Variants in THSD4 observed in about 807,000 individuals in gnomAD.
THSD4 encodes thrombospondin type-1 domain-containing protein 4.
Under a neutral mutation model 119.0 loss-of-function variants are expected in THSD4, and 69 were observed. The ratio of observed to expected loss-of-function variants is 0.58; its 90% confidence interval spans 0.48 to 0.71. The LOEUF (loss-of-function observed/expected upper bound fraction) is 0.71. Ranked by LOEUF, THSD4 falls within the 30% of genes least tolerant of loss-of-function variation. The probability of loss-of-function intolerance (pLI) is 0.00; values close to 1 mark genes in which losing one functional copy is unlikely to be tolerated. For synonymous variants in THSD4, 524 were observed against 540.4 expected (o/e 0.97, Z 0.42); for missense variants, 1,393 against 1,391.1 (o/e 1.00, Z -0.02).
intron 6 of THSD4, among the ~76,000 whole-genome samples, chr15:71,401,991 C>G (rs1453249885): frequency 1.3e-5 from 2 of 151,834 alleles, no homozygotes; most frequent in African/African-American, 2.4e-5. Context: ...TCTGAGCAAA[C>G]TGTCTCAAGG....
intron 6 of THSD4, among the ~76,000 whole-genome samples, chr15:71,360,436 C>G (rs907348218): frequency 1.3e-5 from 2 of 152,088 alleles, no homozygotes; most frequent in Non-Finnish European, 2.9e-5. Context: ...TGAGAAGCAG[C>G]GTATGCATAC....
intron 5 of THSD4, among the ~76,000 whole-genome samples, chr15:71,254,983 C>G (rs1406505840): frequency 6.6e-6 from 1 of 152,170 alleles, no homozygotes; most frequent in Non-Finnish European, 1.5e-5. Context: ...GCATTTGTAC[C>G]AGCAGCCTCC....
At chr15:71,673,367 A>C (rs2051572561) in intron 8 of THSD4, among the ~76,000 whole-genome samples, 1 of 151,774 alleles carries the variant, frequency 6.6e-6, no homozygotes, top group Non-Finnish European at 1.5e-5. Context: ...CGTCTATTTG[A>C]TTCTTCTCTC....
chr15:71,777,572 A>T lies in THSD4; in HGVS notation c.*198A>T. 1.5e-6 allele frequency: 1 copy of T among 666,162 alleles called. No individual in the cohort carries two copies. Among genetic ancestry groups the T allele is most frequent in the East Asian group, 2.8e-5 (1 of 36,044 alleles). 41.3% of individuals were successfully genotyped at this position (666,162 alleles called of 1,614,324 possible). ...CACAAGATGTTTGAAAGCCACAGTCAGTCCTTTAAGCATCACCATGTACTG... is the reference window on the plus strand; with the variant it reads ...CACAAGATGTTTGAAAGCCACAGTCTGTCCTTTAAGCATCACCATGTACTG... On this transcript the variant is annotated 3_prime_UTR_variant, in exon 18 of 18. Coordinates refer to ENST00000261862, the MANE Select transcript of THSD4 (RefSeq NM_024817.3).
intron 6 of THSD4, among the ~76,000 whole-genome samples, chr15:71,378,606 C>T (rs568600493): frequency 1.3e-5 from 2 of 152,320 alleles, no homozygotes; most frequent in African/African-American, 2.4e-5. Context: ...GGGGATGCTT[C>T]GTCCTGCCAG....
intron 2 of THSD4, among the ~76,000 whole-genome samples, chr15:71,149,495 TGCCTC>T (rs1321075465): frequency 6.6e-6 from 1 of 152,080 alleles, no homozygotes; most frequent in African/African-American, 2.4e-5. Context: ...GTGATCCGCC[TGCCTC>T]GGCCTCCCAA....
At chr15:71,503,792 GCCAATATGC>G (rs1431136821) in intron 7 of THSD4, among the ~76,000 whole-genome samples, 1 of 152,168 alleles carries the variant, frequency 6.6e-6, no homozygotes, top group Non-Finnish European at 1.5e-5. Flanking sequence ...TGGCTCTAGG[GCCAATATGC>G]ATTGAGACAG....
At chr15:71,271,071 C>T (rs1329683914) in intron 6 of THSD4, among the ~76,000 whole-genome samples, 1 of 152,050 alleles carries the variant, frequency 6.6e-6, no homozygotes, top group Admixed American at 6.5e-5. Context: ...TATTGCTTCT[C>T]TGCAAGCTTT....
At chr15:71,623,739 G>A (rs139542381) in intron 7 of THSD4, among the ~76,000 whole-genome samples, 31 of 152,068 alleles carry the variant, frequency 2.0e-4, no homozygotes, top group African/African-American at 6.5e-4. Context: ...CCTGGCCAAC[G>A]TGGTGACACC....
chr15:71,121,218 C>G (rs71395006), intron 1 of THSD4, among the ~76,000 whole-genome samples: 1,887 of 152,268 alleles, frequency 0.012, 24 homozygotes, highest in Middle Eastern at 0.02. Context: ...ACTCTGGAGC[C>G]AGGTCCTGAG....
intron 7 of THSD4, among the ~76,000 whole-genome samples, chr15:71,596,142 A>T (rs1302413476): frequency 6.6e-6 from 1 of 152,194 alleles, no homozygotes; most frequent in Non-Finnish European, 1.5e-5. Flanking sequence ...TTCATCCTTT[A>T]TTAAAAACAT....
At chr15:71,469,192 C>T (rs2047539458) in intron 7 of THSD4, among the ~76,000 whole-genome samples, 1 of 152,138 alleles carries the variant, frequency 6.6e-6, no homozygotes, top group African/African-American at 2.4e-5. Context: ...AGCTCACTTC[C>T]AAAGAGAATT....
intron 7 of THSD4, among the ~76,000 whole-genome samples, chr15:71,444,625 C>T (rs1288763712): frequency 8.5e-5 from 13 of 152,200 alleles, no homozygotes; most frequent in Admixed American, 5.9e-4. Flanking sequence ...CCCTTGTGCA[C>T]GCTCTTGGGT....
At position 71,251,680 on chromosome 15, in the gene THSD4, A is replaced by G. The variant is rs137883710; in HGVS notation, c.913-4933A>G. Reference sequence around the variant, plus strand: ...ACATATCTGACGCAGGCAGCCTTCAAGGTCATGTTCCTTGGCACCGCTACA... The same window carrying G: ...ACATATCTGACGCAGGCAGCCTTCAGGGTCATGTTCCTTGGCACCGCTACA... On this transcript the variant is annotated intron_variant, in intron 5 of 17. Transcript: ENST00000261862. Among the ~76,000 whole-genome samples the G allele has an allele frequency of 3.9e-5, 6 of 152,284 alleles. No homozygotes were observed. In the East Asian group the frequency reaches 9.7e-4, roughly 25 times the overall value.
chr15:71,588,196 C>G (rs1442981003), intron 7 of THSD4, among the ~76,000 whole-genome samples: 1 of 150,954 alleles, frequency 6.6e-6, no homozygotes, highest in South Asian at 2.1e-4. Flanking sequence ...GTCCCAGCTA[C>G]TCGGGAGGCT....
At chr15:71,270,283 C>T (rs2044513319) in intron 6 of THSD4, among the ~76,000 whole-genome samples, 1 of 152,164 alleles carries the variant, frequency 6.6e-6, no homozygotes, top group African/African-American at 2.4e-5. Context: ...ACAGAGGCCT[C>T]AGAAATAATG....
At chr15:71,598,832 G>T (rs1488539659) in intron 7 of THSD4, among the ~76,000 whole-genome samples, 2 of 151,932 alleles carry the variant, frequency 1.3e-5, no homozygotes, top group East Asian at 3.9e-4. Flanking sequence ...TGCCCAGGCT[G>T]GTCTCGAACT....
chr15:71,675,070 A>G (rs1285816517), intron 8 of THSD4, among the ~76,000 whole-genome samples: 1 of 152,122 alleles, frequency 6.6e-6, no homozygotes, highest in Non-Finnish European at 1.5e-5. Context: ...TTAGCTTCCA[A>G]TCCAATCCCC....
At chr15:71,378,658 A>C (rs1458605248) in intron 6 of THSD4, among the ~76,000 whole-genome samples, 1 of 152,268 alleles carries the variant, frequency 6.6e-6, no homozygotes, top group African/African-American at 2.4e-5. Context: ...TTTTTAGTGG[A>C]ATAAGCTTAA....
Sources: gnomAD v4.1 joint callset for allele counts (sites outside exome capture counted in the v4.1 genomes callset) on GRCh38, gnomAD v4.1.1 for gene constraint, MANE v1.5 for transcripts, NCBI Gene and HGNC (gene_info 2026-07-23, HGNC 2026-07-21) for gene names.